The following SIM1 variants were observed in gnomAD, a reference collection of about 807,000 sequenced individuals.
SIM1 encodes the protein SIM bHLH transcription factor 1.
A neutral mutation model predicts 78.2 loss-of-function variants in SIM1; 18 were observed. The ratio of observed to expected loss-of-function variants is 0.23; its 90% CI spans 0.16 to 0.34. The LOEUF is 0.34. Among genes scored for constraint, SIM1 ranks in the 10% least tolerant of loss-of-function variants. SIM1 has a pLI of 1.00. For synonymous variants in SIM1, 417 were observed against 385.2 expected, an observed-to-expected ratio of 1.08 and a Z score of -0.97; for missense variants, 939 against 975.1, an observed-to-expected ratio of 0.96 and a Z score of 0.49.
chr6:100,440,806 G>T (rs542397890), intron 9 of SIM1, among the ~76,000 whole-genome samples: 1 of 152,302 alleles, frequency 6.6e-6, no homozygotes, highest in Non-Finnish European at 1.5e-5. Context: ...TAAGGTGAGA[G>T]CAGTGGCAGC....
rs572277233 is a variant in SIM1, at chr6:100,415,886, G to T, written c.1167+4904C>A. Among the ~76,000 whole-genome samples, 10 of 152,242 alleles carry T rather than the reference G, an allele frequency of 6.6e-5. No individual in the cohort carries two copies. In the East Asian group the frequency reaches 1.4e-3, roughly 21 times the overall value. On this transcript the variant is annotated intron_variant, in intron 10 of 11. Coordinates refer to ENST00000369208, the MANE Select transcript of SIM1 (RefSeq NM_005068.3). ...TGGTGGGAAAGTCTCTTGGGTAACT[G>T]CCAAACTTTACCCTCATACAATGGG...
At chr6:100,425,406 G>A (rs796919669) in intron 9 of SIM1, among the ~76,000 whole-genome samples, 4 of 152,068 alleles carry the variant, frequency 2.6e-5, no homozygotes, top group African/African-American at 9.6e-5. Flanking sequence ...ATTCTTTATT[G>A]CTAAGTTAGC....
chr6:100,450,336 G>A lies in SIM1; in HGVS notation c.279C>T (p.Phe93=), dbSNP rs145361258. ...TGATCTTCCCATCTGGGGCTACCAC[G>A]AAGATGAAGCCATCCAGGGTCTGGG... The part of the protein sequence containing the change: ...HLLQTLDGFI[F]VVAPDGKIMY... The change falls in exon 4 of 12, where the codon TTC becomes TTT. Residue 93 remains phenylalanine, a synonymous_variant. Transcript: ENST00000369208. 1.0e-3 allele frequency: 1,606 copies of A among 1,614,068 alleles called. 1 individual carries two copies. Among genetic ancestry groups the A allele is most frequent in the Admixed American group, 1.6e-3 (99 of 60,028 alleles).
intron 9 of SIM1, among the ~76,000 whole-genome samples, chr6:100,446,285 C>A (rs1490295579): frequency 6.6e-6 from 1 of 152,250 alleles, no homozygotes; most frequent in Non-Finnish European, 1.5e-5. Flanking sequence ...CCAAATAGCA[C>A]CCCTTCACCA....
At chr6:100,400,133 T>A (rs545699050) in intron 10 of SIM1, among the ~76,000 whole-genome samples, 66 of 151,752 alleles carry the variant, frequency 4.3e-4, no homozygotes, top group African/African-American at 1.6e-3. Context: ...CTATAGGAGA[T>A]ACAAAGGAGA....
At chr6:100,395,509 G>A (rs1770745632) in intron 10 of SIM1, among the ~76,000 whole-genome samples, 1 of 152,204 alleles carries the variant, frequency 6.6e-6, no homozygotes, top group Non-Finnish European at 1.5e-5. Flanking sequence ...CAATATTAGG[G>A]AGATTTGCAG....
rs1026822151 is a variant in SIM1 at position 100,389,415 on chromosome 6, G to C, written c.*946C>G. ...CTTCACTGGTTTTCCTTTTATTTTT[G>C]CACCTATTGGTCTTTTTTCTGGGTG... is the stretch of plus-strand genomic sequence containing the variant. On this transcript the variant is annotated 3_prime_UTR_variant, in exon 12 of 12. Transcript: ENST00000369208. 5.1e-6 allele frequency: 2 copies of C among 390,116 alleles called. No individual in the cohort carries two copies. The highest frequency in any genetic ancestry group is 4.4e-5 in the Admixed American group (1 of 22,516). The allele number at this position is 390,116 out of a possible 1,614,324, so 24.2% of individuals were successfully genotyped here.
intron 9 of SIM1, among the ~76,000 whole-genome samples, chr6:100,434,470 A>G (rs562456424): frequency 6.6e-6 from 1 of 152,346 alleles, no homozygotes; most frequent in Admixed American, 6.5e-5. Flanking sequence ...TTGGACACCA[A>G]TATCAATTAA....
chr6:100,438,042 C>T (rs79562661), intron 9 of SIM1, among the ~76,000 whole-genome samples: 3,549 of 152,164 alleles, frequency 0.023, 51 homozygotes, highest in East Asian at 0.042. Context: ...CTCCTCTGAA[C>T]ATGGATTTAG....
At chr6:100,452,419 G>A (rs1161564929) in intron 3 of SIM1, among the ~76,000 whole-genome samples, 4 of 152,134 alleles carry the variant, frequency 2.6e-5, no homozygotes, top group Admixed American at 6.5e-5. Flanking sequence ...CTAAATTTGC[G>A]GAATGAGTGA....
intron 2 of SIM1, among the ~76,000 whole-genome samples, chr6:100,456,035 C>T (rs1312103338): frequency 6.6e-6 from 1 of 152,114 alleles, no homozygotes; most frequent in Non-Finnish European, 1.5e-5. Context: ...GCCTCTCTCG[C>T]CCTCTCCTGC....
chr6:100,456,199 T>G (rs1294500498), intron 2 of SIM1, among the ~76,000 whole-genome samples: 1 of 152,148 alleles, frequency 6.6e-6, no homozygotes, highest in Non-Finnish European at 1.5e-5. Flanking sequence ...CGATCTAATA[T>G]CGAAGGAACC....
At chr6:100,406,552 C>G (rs1345519062) in intron 10 of SIM1, among the ~76,000 whole-genome samples, 1 of 152,102 alleles carries the variant, frequency 6.6e-6, no homozygotes, top group Non-Finnish European at 1.5e-5. Flanking sequence ...TAAAGGCCCT[C>G]CACCAAGTTG....
chr6:100,450,692 T>TCACACACA (rs1554224917), intron 3 of SIM1, among the ~76,000 whole-genome samples: 1 of 88,168 alleles, frequency 1.1e-5, no homozygotes. Flanking sequence ...TCTCTCTCTC[T>TCACACACA]CTCTCACACA....
In SIM1 at chr6:100,432,256, G is replaced by C. The variant is rs186135773; in HGVS notation, c.999-11298C>G. Among the ~76,000 whole-genome samples the C allele has an allele frequency of 1.4e-3, 214 of 152,200 alleles. 1 individual carries two copies. Among genetic ancestry groups the C allele is most frequent in the African/African-American group, 4.8e-3 (201 of 41,530 alleles). ...TAGTTCTAAAACTTCAGCACGCCTC[G>C]GAAGCACCTGAAGAGTGTTAACACA... On this transcript the variant is annotated intron_variant, in intron 9 of 11. Coordinates refer to ENST00000369208, the MANE Select transcript of SIM1 (RefSeq NM_005068.3).
At chr6:100,463,069 T>A (rs1240353494) in intron 2 of SIM1, 6 of 462,628 alleles carry the variant, frequency 1.3e-5, no homozygotes, top group African/African-American at 3.9e-5. Flanking sequence ...ACATATCTGA[T>A]GGACTGAAGA....
Position 100,414,927 on chromosome 6 carries a change from T to A in SIM1, c.1167+5863A>T, listed in dbSNP as rs75827242. Among the ~76,000 whole-genome samples the A allele has an allele frequency of 3.8e-3, 582 of 152,338 alleles. 4 individuals carry two copies. The highest frequency in any genetic ancestry group is 0.013 in the African/African-American group (553 of 41,586). On this transcript the variant is annotated intron_variant, in intron 10 of 11. Transcript: ENST00000369208. ...ATTAAGAGGGTTCTGTGGGATTATT[T>A]AAGGTAACAGATGTGGAATAAAATC...
intron 2 of SIM1, chr6:100,463,026 G>C: frequency 2.7e-6 from 1 of 375,186 alleles, no homozygotes. Flanking sequence ...CTGAAGTGTT[G>C]ACAAAAGGAC....
At chr6:100,407,735 T>A (rs1320125438) in intron 10 of SIM1, among the ~76,000 whole-genome samples, 1 of 152,142 alleles carries the variant, frequency 6.6e-6, no homozygotes, top group Non-Finnish European at 1.5e-5. Flanking sequence ...GTTGGCCATT[T>A]GTATGCCTTC....
Sources: gnomAD v4.1 joint callset for allele counts (sites outside exome capture counted in the v4.1 genomes callset) on GRCh38, gnomAD v4.1.1 for gene constraint, MANE v1.5 for transcripts, NCBI Gene and HGNC (gene_info 2026-07-23, HGNC 2026-07-21) for gene names.